Variants in VWF observed in about 807,000 individuals in gnomAD.
The protein encoded by VWF is Factor VIII related antigen.
In VWF, 176 loss-of-function variants were observed where a neutral mutation model predicts 308.6. That is an observed-to-expected ratio of 0.57 (90% confidence interval 0.50 to 0.65). The LOEUF (loss-of-function observed/expected upper bound fraction) is 0.65, where lower values mean the gene tolerates loss of function less well. Among genes scored for constraint, VWF ranks in the 30% least tolerant of loss-of-function variants. The pLI is 0.00. For missense variants in VWF, 3,146 were observed against 3,648.2 expected, an observed-to-expected ratio of 0.86 and a Z score of 3.55; for synonymous variants, 1,385 against 1,443.4, an observed-to-expected ratio of 0.96 and a Z score of 0.92.
chr12:6,095,421 A>T (rs369850710), intron 6 of VWF, 39 bp downstream of exon 6: 139 of 1,613,624 alleles, frequency 8.6e-5, no homozygotes, highest in Non-Finnish European at 1.1e-4. Flanking sequence ...TCCAGAAATC[A>T]CACACCATCC....
rs1446441820 is a variant in VWF, at chr12:6,062,996, G to A, written c.1491C>T (p.Asp497=). Residue 497 remains aspartate, a synonymous_variant, in exon 13 of 52, where the codon GAC becomes GAT. Transcript: ENST00000261405. ...TASVRLSYGE[D]LQMDWDGRGR... The stretch of plus-strand genomic sequence containing the variant: ...CGCGGCCATCCCAGTCCATCTGCAG[G>A]TCCTCCCCGTAGCTGAGGCGCACGG... 1.2e-6 allele frequency: 2 copies of A among 1,613,466 alleles called. No individual in the cohort carries two copies. Among genetic ancestry groups the A allele is most frequent in the Admixed American group, 1.7e-5 (1 of 60,028 alleles).
At chr12:6,088,307 T>C (rs1216628197) in intron 6 of VWF, among the ~76,000 whole-genome samples, 2 of 151,614 alleles carry the variant, frequency 1.3e-5, no homozygotes, top group Admixed American at 6.6e-5. Flanking sequence ...TGAAAACCCG[T>C]CTCTACTAAA....
intron 10 of VWF, among the ~76,000 whole-genome samples, chr12:6,067,721 T>G (rs1233534993): frequency 6.6e-6 from 1 of 151,918 alleles, no homozygotes; most frequent in African/African-American, 2.4e-5. Context: ...ATATTCCCCA[T>G]CAGTCAGCAA....
At chr12:5,958,430 G>A (rs757261081) in intron 47 of VWF, among the ~76,000 whole-genome samples, 6 of 152,192 alleles carry the variant, frequency 3.9e-5, no homozygotes, top group African/African-American at 7.2e-5. Context: ...CTTCATGCCC[G>A]TAATATCAGC....
chr12:6,074,222 C>T (rs1236146113), intron 7 of VWF, among the ~76,000 whole-genome samples: 1 of 152,098 alleles, frequency 6.6e-6, no homozygotes, highest in African/African-American at 2.4e-5. Flanking sequence ...GACACTCATT[C>T]CATATTTATT....
In VWF at chr12:6,025,009, C is replaced by T. The variant is rs555772472; in HGVS notation, c.3222+571G>A. ...TTGCACTCCAGCCTGGGTGACAGAG[C>T]GAGACTCTGTCTCAAAAAAAAAAAA... On this transcript the variant is annotated intron_variant, in intron 24 of 51. Transcript: ENST00000261405. Among the ~76,000 whole-genome samples the T allele has an allele frequency of 4.0e-3, 488 of 121,948 alleles. 4 individuals are homozygous for T. Among genetic ancestry groups the T allele is most frequent in the African/African-American group, 0.015 (462 of 30,512 alleles). The allele number at this position is 121,948 out of a possible 152,430, so 80.0% of individuals were successfully genotyped here.
At chr12:5,972,837 T>A (rs1943492287) in intron 43 of VWF, among the ~76,000 whole-genome samples, 1 of 151,830 alleles carries the variant, frequency 6.6e-6, no homozygotes, top group African/African-American at 2.4e-5. Flanking sequence ...AGCAGAACAT[T>A]CAAAATGCCA....
intron 34 of VWF, among the ~76,000 whole-genome samples, chr12:6,010,314 T>A (rs1305796575): frequency 6.6e-6 from 1 of 151,968 alleles, no homozygotes; most frequent in Non-Finnish European, 1.5e-5. Context: ...GCAAAAAAAA[T>A]AAATAAAAAC....
Position 6,066,208 on chromosome 12 carries a change from A to G in VWF, c.1157-935T>C, listed in dbSNP as rs117026310. On this transcript the variant is annotated intron_variant, in intron 10 of 51. Coordinates refer to ENST00000261405, the MANE Select transcript of VWF (RefSeq NM_000552.5). ...CCAAACTGAGATCACACATCCTGGA[A>G]GGTGTCCTGGCAGGGGGAGGCCTCT... Among the ~76,000 whole-genome samples, 10 of 152,108 alleles carry G rather than the reference A, an allele frequency of 6.6e-5. No individual in the cohort carries two copies. The East Asian group carries it at 2.0e-3, about 30-fold the overall frequency.
rs897460496 is a variant in VWF, at chr12:6,024,462, T to G, written c.3223-675A>C. On this transcript the variant is annotated intron_variant, in intron 24 of 51. Transcript: ENST00000261405. The surrounding 1 kb of genome is among the most constrained non-coding windows in gnomAD (Gnocchi z 4.0). ...AATGTCCCCAACTCCTCCCCTGTCCTCACTCTTCCAACTCAGATGCCCAGG... is the reference window on the plus strand; with the variant it reads ...AATGTCCCCAACTCCTCCCCTGTCCGCACTCTTCCAACTCAGATGCCCAGG... Among the ~76,000 whole-genome samples, 1 of 152,234 alleles carries G rather than the reference T, an allele frequency of 6.6e-6. No homozygotes were observed. The highest frequency in any genetic ancestry group is 2.4e-5 in the African/African-American group (1 of 41,466).
At chr12:6,028,409 A>C (rs1425422908) in intron 22 of VWF, among the ~76,000 whole-genome samples, 1 of 152,202 alleles carries the variant, frequency 6.6e-6, no homozygotes, top group Non-Finnish European at 1.5e-5. Context: ...AATACAGAGA[A>C]CACCACAAAG....
chr12:5,985,448 G>T, intron 39 of VWF, 115 bp downstream of exon 39: 1 of 1,183,972 alleles, frequency 8.4e-7, no homozygotes, highest in Non-Finnish European at 1.2e-6. Flanking sequence ...CCCACTCTAG[G>T]ACTCTAGGTG....
chr12:6,037,175 T>A (rs542966378), intron 18 of VWF, among the ~76,000 whole-genome samples: 15 of 152,308 alleles, frequency 9.8e-5, no homozygotes, highest in African/African-American at 3.6e-4. Context: ...CTCCAGGTGG[T>A]GAGCTGGGAT....
chr12:6,075,665 G>A lies in VWF; in HGVS notation c.658-114C>T. ...GGCAGCTCCCTCAGCACCTGGGACA[G>A]GCTGGCACCAAGCACATGCATGTGT... On this transcript the variant is annotated intron_variant, in intron 6 of 51. Transcript: ENST00000261405. This position sits in a 1 kb window ranked among gnomAD's most constrained non-coding sequence, Gnocchi z 4.7. The A allele has an allele frequency of 8.7e-7, 1 of 1,153,626 alleles. No individual in the cohort carries two copies. Among genetic ancestry groups the A allele is most frequent in the Non-Finnish European group, 1.3e-6 (1 of 788,846 alleles). The allele number at this position is 1,153,626 out of a possible 1,614,324, so 71.5% of individuals were successfully genotyped here.
At chr12:5,967,951 A>G (rs1943422697) in intron 46 of VWF, among the ~76,000 whole-genome samples, 176 bp downstream of exon 46, 1 of 152,130 alleles carries the variant, frequency 6.6e-6, no homozygotes, top group Non-Finnish European at 1.5e-5. Context: ...AGTCAGGAAG[A>G]TGGTCCTAGC....
Position 5,971,633 on chromosome 12 carries a change from G to A in VWF, c.7514C>T (p.Ser2505Leu). ...LPSACEVVTG[S>L]PRGDSQSSWK... ...GGAAGACTGGGAGTCCCCCCGCGGT[G>A]AGCCAGTCACCACCTCACAGGCAGA... Residue 2505 changes from serine to leucine, a missense_variant, in exon 44 of 52, where the codon TCA (serine) becomes TTA (leucine). By Grantham distance (145) the Ser-to-Leu change is moderately radical. Coordinates refer to ENST00000261405, the MANE Select transcript of VWF (RefSeq NM_000552.5). 1 of 1,614,190 alleles carries A rather than the reference G, an allele frequency of 6.2e-7. No individual in the cohort carries two copies. The highest frequency in any genetic ancestry group is 1.1e-5 in the South Asian group (1 of 91,088).
chr12:6,029,729 T>C (rs1356362871), intron 21 of VWF, among the ~76,000 whole-genome samples: 1 of 152,116 alleles, frequency 6.6e-6, no homozygotes, highest in Non-Finnish European at 1.5e-5. Context: ...GTAACAGAGG[T>C]AGCAGCAAAA....
Position 6,022,039 on chromosome 12 carries a change from C to T in VWF, c.3539-4G>A. On this transcript the variant is annotated splice_region_variant and splice_polypyrimidine_tract_variant and intron_variant, in intron 26 of 51. Coordinates refer to ENST00000261405, the MANE Select transcript of VWF (RefSeq NM_000552.5). ...AAAAGCTCATCCAGGATTTTCCCTGCAAAAGAAAGCTCTCATTAGGAACCA... is the reference window on the plus strand; with the variant it reads ...AAAAGCTCATCCAGGATTTTCCCTGTAAAAGAAAGCTCTCATTAGGAACCA... The T allele has an allele frequency of 1.2e-6, 2 of 1,614,116 alleles. No individual in the cohort carries two copies. Among genetic ancestry groups the T allele is most frequent in the South Asian group, 2.2e-5 (2 of 91,084 alleles).
At chr12:6,121,388 G>T in intron 2 of VWF, 50 bp from the exon 3 acceptor site, 2 of 1,602,734 alleles carry the variant, frequency 1.2e-6, no homozygotes, top group South Asian at 1.1e-5. Flanking sequence ...GCACAACTGG[G>T]ACCATCAGCT....
Sources: allele counts gnomAD v4.1 joint callset (sites outside exome capture counted in the v4.1 genomes callset), GRCh38; gene constraint gnomAD v4.1.1; non-coding constraint Gnocchi (gnomAD v3.1); transcripts MANE v1.5; gene names NCBI Gene and HGNC (gene_info 2026-07-23, HGNC 2026-07-21).